Variants in KLHL29 observed in about 807,000 individuals in gnomAD.
KLHL29 encodes the protein kelch-like protein 29.
Under a neutral mutation model 80.4 loss-of-function variants are expected in KLHL29, and 21 were observed. The observed-to-expected ratio is 0.26, with a 90% CI of 0.19 to 0.38. The LOEUF is 0.38. Ranked by LOEUF, KLHL29 falls within the 10% of genes least tolerant of loss-of-function variation. KLHL29 has a pLI of 1.00. For missense variants in KLHL29, 867 were observed against 1,223.9 expected (o/e 0.71, Z 4.35); for synonymous variants, 511 against 526.8 (o/e 0.97, Z 0.41).
intron 3 of KLHL29, among the ~76,000 whole-genome samples, chr2:23,585,419 G>A (rs550934482): frequency 6.6e-6 from 1 of 152,316 alleles, no homozygotes; most frequent in Admixed American, 6.5e-5. Context: ...TCCTGGGTCA[G>A]TTCTGTGCCA....
intron 5 of KLHL29, among the ~76,000 whole-genome samples, chr2:23,679,375 C>T (rs562684149): frequency 3.3e-5 from 5 of 152,344 alleles, no homozygotes; most frequent in African/African-American, 1.2e-4. Context: ...GTCTCTCATG[C>T]TCCAACAGGC....
chr2:23,558,495 G>A (rs1312667482), intron 2 of KLHL29, among the ~76,000 whole-genome samples: 32 of 149,038 alleles, frequency 2.1e-4, no homozygotes, highest in Admixed American at 1.9e-3. Context: ...TCCACCTCCC[G>A]GGTTCAAGTG....
intron 3 of KLHL29, among the ~76,000 whole-genome samples, chr2:23,583,892 C>CT (rs1375652729): frequency 6.6e-6 from 1 of 152,238 alleles, no homozygotes; most frequent in East Asian, 1.9e-4. Flanking sequence ...CTCTGCTCCT[C>CT]TTTATCTTGT....
At chr2:23,400,245 A>G (rs1043071913) in intron 1 of KLHL29, among the ~76,000 whole-genome samples, 3 of 152,114 alleles carry the variant, frequency 2.0e-5, no homozygotes, top group African/African-American at 7.2e-5. Context: ...GAGGTGGAGG[A>G]GTAGAGCGGC....
intron 1 of KLHL29, among the ~76,000 whole-genome samples, chr2:23,388,557 A>G (rs893761199): frequency 6.6e-6 from 1 of 152,196 alleles, no homozygotes; most frequent in African/African-American, 2.4e-5. Context: ...TTCAGTATTC[A>G]TGCATTTCCA....
At chr2:23,618,000 G>A (rs986114898) in intron 3 of KLHL29, 3 of 152,202 alleles carry the variant, frequency 2.0e-5, no homozygotes, top group African/African-American at 7.2e-5. Flanking sequence ...TGGAGCAGCT[G>A]CGACTGGGAA....
chr2:23,471,917 G>C, intron 1 of KLHL29, among the ~76,000 whole-genome samples: 1 of 152,044 alleles, frequency 6.6e-6, no homozygotes, highest in Admixed American at 6.5e-5. Flanking sequence ...ACTAAAAATT[G>C]GTTTCTAGTA....
Position 23,558,412 on chromosome 2 carries a change from T to TTTTTTTTTTTTTTTC in KLHL29, c.-45-3730_-45-3729insTTTTCTTTTTTTTTT, listed in dbSNP as rs557986046. Among the ~76,000 whole-genome samples the TTTTTTTTTTTTTTTC allele has an allele frequency of 7.4e-4, 96 of 129,016 alleles. 1 individual carries two copies. The highest frequency in any genetic ancestry group is 2.7e-3 in the African/African-American group (95 of 35,202). The allele number at this position is 129,016 out of a possible 152,430, so 84.6% of individuals were successfully genotyped here. ...CTAGGACTGTAAGACATTTTCTCTT[T>TTTTTTTTTTTTTTTC]TTTTTTTTTTCTTTGGTCTCACTCT... On this transcript the variant is annotated intron_variant, in intron 2 of 13. Coordinates refer to ENST00000486442, the MANE Select transcript of KLHL29 (RefSeq NM_052920.2).
intron 2 of KLHL29, among the ~76,000 whole-genome samples, chr2:23,535,862 T>C (rs1666646250): frequency 6.6e-6 from 1 of 152,198 alleles, no homozygotes; most frequent in Non-Finnish European, 1.5e-5. Flanking sequence ...AGAATGTACT[T>C]AATGCCATTG....
intron 2 of KLHL29, among the ~76,000 whole-genome samples, chr2:23,556,665 AC>A (rs1667304969): frequency 6.6e-6 from 1 of 151,304 alleles, no homozygotes; most frequent in Non-Finnish European, 1.5e-5. Flanking sequence ...AAAAAAAAAA[AC>A]AGAAAGACTT....
At chr2:23,463,321 AATAAC>A (rs1664266837) in intron 1 of KLHL29, among the ~76,000 whole-genome samples, 1 of 151,940 alleles carries the variant, frequency 6.6e-6, no homozygotes, top group South Asian at 2.1e-4. Flanking sequence ...GTCTGTTTAT[AATAAC>A]ATACAGACAC....
In KLHL29 at chr2:23,584,391, C is replaced by T. The variant is rs139631024; in HGVS notation, c.285+21910C>T. On this transcript the variant is annotated intron_variant, in intron 3 of 13. Coordinates refer to ENST00000486442, the MANE Select transcript of KLHL29 (RefSeq NM_052920.2). ...GGCACCCTCCTCCCAGCTTCGCCCT[C>T]TGGGGATTAGAATGGCAGAAACTCT... 8.7e-4 allele frequency among the ~76,000 whole-genome samples: 133 copies of T among 152,380 alleles called. 1 individual carries two copies. The highest frequency in any genetic ancestry group is 3.1e-3 in the African/African-American group (129 of 41,592).
chr2:23,546,479 G>A (rs570899907), intron 2 of KLHL29, among the ~76,000 whole-genome samples: 6 of 152,124 alleles, frequency 3.9e-5, no homozygotes, highest in Admixed American at 2.6e-4. Flanking sequence ...TGGGGCCTCA[G>A]GTGAGGCCCC....
At chr2:23,451,116 G>C (rs1313824576) in intron 1 of KLHL29, among the ~76,000 whole-genome samples, 1 of 152,172 alleles carries the variant, frequency 6.6e-6, no homozygotes, top group Non-Finnish European at 1.5e-5. Flanking sequence ...TTTGAAGCCA[G>C]ATGGCTGAGT....
At chr2:23,425,184 C>A (rs979734975) in intron 1 of KLHL29, among the ~76,000 whole-genome samples, 1 of 151,962 alleles carries the variant, frequency 6.6e-6, no homozygotes, top group Non-Finnish European at 1.5e-5. Context: ...AACTAAAAAT[C>A]TTTTTTACCA....
intron 1 of KLHL29, among the ~76,000 whole-genome samples, chr2:23,427,910 C>T (rs1254313334): frequency 6.6e-6 from 1 of 152,194 alleles, no homozygotes; most frequent in Non-Finnish European, 1.5e-5. Context: ...TTCCTGTGCT[C>T]ATGGAGGCTC....
intron 1 of KLHL29, among the ~76,000 whole-genome samples, chr2:23,407,547 T>C (rs1666764099): frequency 6.6e-6 from 1 of 152,148 alleles, no homozygotes; most frequent in African/African-American, 2.4e-5. Flanking sequence ...ATTTTTTCAG[T>C]TTGTCATTTG....
intron 6 of KLHL29, chr2:23,690,632 A>G (rs2551349): frequency 0.86 from 131,285 of 152,260 alleles, 57,828 homozygotes; most frequent in East Asian, 1. Flanking sequence ...AAGCAGGGCT[A>G]CTCAGAGGAG....
chr2:23,691,486 C>A, intron 6 of KLHL29, 188 bp from the exon 7 acceptor site: 1 of 600,636 alleles, frequency 1.7e-6, no homozygotes, highest in Admixed American at 2.9e-5. Flanking sequence ...TTCTTTTGGG[C>A]GTCTCTGGTC....
Sources: gnomAD v4.1 joint callset for allele counts (sites outside exome capture counted in the v4.1 genomes callset) on GRCh38, gnomAD v4.1.1 for gene constraint, MANE v1.5 for transcripts, NCBI Gene and HGNC (gene_info 2026-07-23, HGNC 2026-07-21) for gene names.